The following TENM2 variants were observed in gnomAD, a reference collection of about 807,000 sequenced individuals.
The protein encoded by TENM2 is teneurin transmembrane protein 2.
In TENM2, 52 loss-of-function variants were observed where a neutral mutation model predicts 245.2. That is an observed-to-expected ratio of 0.21 (90% confidence interval 0.17 to 0.27). TENM2 has a LOEUF of 0.27. Ranked by LOEUF, TENM2 falls within the 10% of genes least tolerant of loss-of-function variation. TENM2 has a pLI of 1.00. For missense variants in TENM2, 3,046 were observed against 3,666.8 expected (o/e 0.83, Z 4.37); for synonymous variants, 1,363 against 1,438.9 (o/e 0.95, Z 1.19).
At chr5:167,362,398 G>T (rs1759772528) in intron 1 of TENM2, among the ~76,000 whole-genome samples, 2 of 152,098 alleles carry the variant, frequency 1.3e-5, no homozygotes, top group South Asian at 4.2e-4. Context: ...AAATATTTGT[G>T]GTCTAATATA....
the TENM2 span, among the ~76,000 whole-genome samples, chr5:167,109,629 A>C: frequency 6.6e-6 from 1 of 152,056 alleles, no homozygotes; most frequent in East Asian, 1.9e-4. Context: ...CTCACTTCTC[A>C]CGTTCATCCT....
chr5:167,834,201 A>G (rs1034628190), intron 2 of TENM2, among the ~76,000 whole-genome samples: 1 of 152,238 alleles, frequency 6.6e-6, no homozygotes, highest in Non-Finnish European at 1.5e-5. Flanking sequence ...CCTCTGCTTT[A>G]GAGTGGCTAG....
the TENM2 span, among the ~76,000 whole-genome samples, chr5:167,086,829 A>G: frequency 6.6e-6 from 1 of 152,072 alleles, no homozygotes. Context: ...AAACCAACAT[A>G]GTAATCATAA....
chr5:167,022,278 C>T, the TENM2 span, among the ~76,000 whole-genome samples: 1 of 152,158 alleles, frequency 6.6e-6, no homozygotes, highest in Non-Finnish European at 1.5e-5. Context: ...TCAATTGGAG[C>T]TTATGAAGGC....
chr5:167,282,396 TTCCTCC>T (rs1182951143), upstream of TENM2, among the ~76,000 whole-genome samples: 2 of 152,196 alleles, frequency 1.3e-5, no homozygotes, highest in Non-Finnish European at 2.9e-5. Flanking sequence ...TATCGTCATC[TTCCTCC>T]TCTGTCTTAT....
chr5:167,150,611 A>C, the TENM2 span, among the ~76,000 whole-genome samples: 3 of 152,226 alleles, frequency 2.0e-5, no homozygotes, highest in Non-Finnish European at 4.4e-5. Flanking sequence ...ACTTCTCACA[A>C]CAACCAACTA....
chr5:167,273,420 A>T, the TENM2 span, among the ~76,000 whole-genome samples: 2 of 152,142 alleles, frequency 1.3e-5, no homozygotes, highest in African/African-American at 4.8e-5. Context: ...ATTACTTTTT[A>T]AAAACAGTCT....
intron 2 of TENM2, among the ~76,000 whole-genome samples, chr5:167,853,077 G>C (rs1770731168): frequency 6.6e-6 from 1 of 151,150 alleles, no homozygotes; most frequent in African/African-American, 2.4e-5. Flanking sequence ...AGGAGGACAG[G>C]AGATCGAGAC....
intron 2 of TENM2, among the ~76,000 whole-genome samples, chr5:167,759,855 C>G (rs1430155044): frequency 1.3e-5 from 2 of 152,152 alleles, no homozygotes; most frequent in Non-Finnish European, 2.9e-5. Context: ...CAAACCCCAC[C>G]TGGAGACAGT....
the TENM2 span, among the ~76,000 whole-genome samples, chr5:167,103,470 A>G: frequency 6.6e-6 from 1 of 152,222 alleles, no homozygotes; most frequent in East Asian, 1.9e-4. Context: ...AATATTGATC[A>G]CAGAGCAGAA....
intron 2 of TENM2, among the ~76,000 whole-genome samples, chr5:167,600,757 C>G (rs561414839): frequency 6.6e-6 from 1 of 152,202 alleles, no homozygotes; most frequent in Non-Finnish European, 1.5e-5. Context: ...GTTTCCTCAA[C>G]TGATACAGTT....
At chr5:167,976,920 A>C (rs1782482352) in intron 4 of TENM2, among the ~76,000 whole-genome samples, 1 of 152,240 alleles carries the variant, frequency 6.6e-6, no homozygotes, top group Non-Finnish European at 1.5e-5. Context: ...GAATCAACTA[A>C]ATGCCCATCA....
At chr5:168,053,882 C>T (rs1282667121) in intron 6 of TENM2, among the ~76,000 whole-genome samples, 1 of 152,174 alleles carries the variant, frequency 6.6e-6, no homozygotes, top group African/African-American at 2.4e-5. Context: ...CAGTAAAAAG[C>T]TGGGTGACCC....
intron 2 of TENM2, among the ~76,000 whole-genome samples, chr5:167,613,262 A>G (rs1380303598): frequency 6.6e-6 from 1 of 152,096 alleles, no homozygotes; most frequent in Non-Finnish European, 1.5e-5. Context: ...ACGATAATAA[A>G]ATTACTTACC....
intron 2 of TENM2, among the ~76,000 whole-genome samples, chr5:167,831,323 A>T (rs1768461838): frequency 6.6e-6 from 1 of 152,100 alleles, no homozygotes; most frequent in Non-Finnish European, 1.5e-5. Context: ...GACTCTGGGT[A>T]GACAATTAAA....
chr5:167,944,570 G>A (rs139054415), intron 3 of TENM2, among the ~76,000 whole-genome samples: 35 of 152,302 alleles, frequency 2.3e-4, no homozygotes, highest in Non-Finnish European at 3.5e-4. Flanking sequence ...GACAGATGTC[G>A]TGGTTATAAT....
At chr5:167,525,547 A>T (rs1771053652) in intron 2 of TENM2, among the ~76,000 whole-genome samples, 1 of 152,138 alleles carries the variant, frequency 6.6e-6, no homozygotes, top group African/African-American at 2.4e-5. Context: ...TGAGATGCCA[A>T]TAATATGGAA....
chr5:167,758,087 T>C (rs750397813), intron 2 of TENM2, among the ~76,000 whole-genome samples: 97 of 152,126 alleles, frequency 6.4e-4, no homozygotes, highest in Non-Finnish European at 1.2e-3. Context: ...TTTTATACTT[T>C]CCTTTTTAAA....
intron 25 of TENM2, among the ~76,000 whole-genome samples, chr5:168,237,000 A>T (rs10080201): frequency 0.46 from 2,902 of 6,314 alleles, 520 homozygotes; most frequent in East Asian, 0.54. Context: ...ATATATATAT[A>T]TTTTTTTTTT....
Sources: allele counts gnomAD v4.1 joint callset (sites outside exome capture counted in the v4.1 genomes callset), GRCh38; gene constraint gnomAD v4.1.1; transcripts MANE v1.5; gene names NCBI Gene and HGNC (gene_info 2026-07-23, HGNC 2026-07-21).